CNTRL: variants seen among roughly 807,000 people sequenced by gnomAD.
The protein encoded by CNTRL is 110 kDa centrosomal protein.
CNTRL carries 233 observed loss-of-function variants against 303.7 expected under a neutral mutation model. The observed-to-expected ratio is 0.77, with a 90% confidence interval of 0.69 to 0.86. The LOEUF (loss-of-function observed/expected upper bound fraction) is 0.86, where lower values mean the gene tolerates loss of function less well. Among genes scored for constraint, CNTRL ranks in the 40% least tolerant of loss-of-function variants. CNTRL has a pLI of 0.00. For synonymous variants in CNTRL, 900 were observed against 922.2 expected, an observed-to-expected ratio of 0.98 and a Z score of 0.44; for missense variants, 2,524 against 2,650.6, an observed-to-expected ratio of 0.95 and a Z score of 1.05.
intron 14 of CNTRL, among the ~76,000 whole-genome samples, chr9:121,131,212 T>G (rs2050835747): frequency 6.6e-6 from 1 of 152,180 alleles, no homozygotes; most frequent in Non-Finnish European, 1.5e-5. Context: ...TGTTGATCTG[T>G]CTAATATTGA....
At chr9:121,091,774 G>T (rs1159432421) in intron 4 of CNTRL, among the ~76,000 whole-genome samples, 1 of 152,060 alleles carries the variant, frequency 6.6e-6, no homozygotes, top group Non-Finnish European at 1.5e-5. Flanking sequence ...AACCCAGGAG[G>T]TGGAGGTTGC....
chr9:121,133,032 G>C (rs529858821), intron 14 of CNTRL, among the ~76,000 whole-genome samples: 7 of 152,240 alleles, frequency 4.6e-5, no homozygotes, highest in African/African-American at 1.7e-4. Context: ...AGGGGCACCC[G>C]CCTGTATGAT....
chr9:121,151,218 G>A (rs2052223646), intron 25 of CNTRL, among the ~76,000 whole-genome samples: 1 of 151,722 alleles, frequency 6.6e-6, no homozygotes, highest in African/African-American at 2.4e-5. Context: ...ATAAGCATTT[G>A]TCCATGGTTT....
Position 121,145,158 on chromosome 9 carries a change from A to G in CNTRL, c.3169-86A>G, listed in dbSNP as rs1294666783. On this transcript the variant is annotated intron_variant, in intron 21 of 43. Coordinates refer to ENST00000373855, the MANE Select transcript of CNTRL (RefSeq NM_007018.6). Reference sequence around the variant, plus strand: ...TCACTGGGAAAGTGTAAATAAATATAGAATCATAATCAAGTTGAAAGGATA... The same window carrying G: ...TCACTGGGAAAGTGTAAATAAATATGGAATCATAATCAAGTTGAAAGGATA... 1.3e-5 allele frequency: 19 copies of G among 1,434,422 alleles called. 1 individual carries two copies. Among genetic ancestry groups the G allele is most frequent in the Non-Finnish European group, 1.8e-5 (19 of 1,052,994 alleles). 88.9% of individuals were successfully genotyped at this position (1,434,422 alleles called of 1,614,324 possible). A position where few individuals can be genotyped will look rare whatever the true frequency, so the allele number is the denominator to read the frequency against.
chr9:121,090,740 A>G (rs180909081), intron 4 of CNTRL, among the ~76,000 whole-genome samples: 153 of 152,374 alleles, frequency 1.0e-3, no homozygotes, highest in African/African-American at 3.5e-3. Flanking sequence ...GCACTACAGT[A>G]GCAGAGCTTA....
chr9:121,144,774 C>A, intron 20 of CNTRL, 69 bp from the exon 21 acceptor site: 1 of 1,214,550 alleles, frequency 8.2e-7, no homozygotes, highest in Non-Finnish European at 1.2e-6. Context: ...AGAATCAATC[C>A]AAGAGGAAGA....
chr9:121,175,561 G>A lies in CNTRL; in HGVS notation c.6954+337G>A, dbSNP rs577481903. Among the ~76,000 whole-genome samples, 6 of 152,320 alleles carry A rather than the reference G, an allele frequency of 3.9e-5. No individual in the cohort carries two copies. The East Asian group carries it at 7.7e-4, about 20-fold the overall frequency. ...TGGGATTACAGGCGTGAGCCACCAC[G>A]CTGAGCCAAGAGGAAACTCGTAAGA... On this transcript the variant is annotated intron_variant, in intron 43 of 43. Transcript: ENST00000373855.
intron 19 of CNTRL, among the ~76,000 whole-genome samples, chr9:121,142,762 C>T (rs373788429): frequency 7.2e-5 from 11 of 152,140 alleles, no homozygotes; most frequent in South Asian, 4.1e-4. Flanking sequence ...TGATCATAAC[C>T]GCTTATCTTG....
chr9:121,163,648 ACT>A (rs1254698219), intron 34 of CNTRL, among the ~76,000 whole-genome samples: 1 of 152,110 alleles, frequency 6.6e-6, no homozygotes, highest in Admixed American at 6.5e-5. Context: ...TGTATAAAGA[ACT>A]CTCAAAACTC....
intron 18 of CNTRL, 105 bp downstream of exon 18, chr9:121,141,693 T>C: frequency 9.1e-7 from 1 of 1,100,962 alleles, no homozygotes; most frequent in Non-Finnish European, 1.3e-6. Context: ...ACATAATTGT[T>C]GTTATTTTCA....
intron 12 of CNTRL, among the ~76,000 whole-genome samples, chr9:121,123,499 T>TGAGGCAGGAGAATTGCTTG (rs1371372418): frequency 6.6e-6 from 1 of 152,134 alleles, no homozygotes; most frequent in Non-Finnish European, 1.5e-5. Context: ...CTTGGGAGGC[T>TGAGGCAGGAGAATTGCTTG]GAGGCAGGAG....
rs755741371 is a variant in CNTRL at position 121,167,606 on chromosome 9, A to AAAC, written c.5783_5785dup (p.Gln1928dup). 7 of 1,614,214 alleles carry AAAC rather than the reference A, an allele frequency of 4.3e-6. No homozygotes were observed. In the South Asian group the frequency reaches 6.6e-5, roughly 15 times the overall value. ...AGACTGTCAGAAAGAAGAGGAGACA[A>AAAC]AACAACAACAACTTCAAGTGCTTCA... On this transcript the variant is annotated inframe_insertion, in exon 37 of 44. Transcript: ENST00000373855.
In CNTRL at chr9:121,090,410, G is replaced by T; in HGVS notation, c.348+5G>T. The T allele has an allele frequency of 6.2e-7, 1 of 1,606,880 alleles. No individual in the cohort carries two copies. The highest frequency in any genetic ancestry group is 8.5e-7 in the Non-Finnish European group (1 of 1,177,580). ...GACGGTGGCAAGAAATTTAAGGTAG[G>T]TTACCAACAATTTCTGAGCATAGAT... On this transcript the variant is annotated splice_donor_5th_base_variant and intron_variant, in intron 4 of 43. Transcript: ENST00000373855.
In CNTRL at chr9:121,125,900, G is replaced by A. The variant is rs2050493902; in HGVS notation, c.1989G>A (p.Leu663=). ...LTEVEQERDQ[L]EIVAMDAENM... Reference sequence around the variant, plus strand: ...AAGTCGAGCAGGAGAGAGACCAGCTGGAAATAGTTGCCATGGATGCAGAAA... The same window carrying A: ...AAGTCGAGCAGGAGAGAGACCAGCTAGAAATAGTTGCCATGGATGCAGAAA... The change falls in exon 14 of 44, where the codon CTG becomes CTA. Residue 663 remains leucine, a synonymous_variant. Transcript: ENST00000373855. 1.9e-6 allele frequency: 3 copies of A among 1,613,978 alleles called. No individual in the cohort carries two copies. Among genetic ancestry groups the A allele is most frequent in the Non-Finnish European group, 2.5e-6 (3 of 1,180,000 alleles).
intron 31 of CNTRL, among the ~76,000 whole-genome samples, chr9:121,159,751 G>C (rs2052761403): frequency 6.6e-6 from 1 of 150,762 alleles, no homozygotes; most frequent in African/African-American, 2.4e-5. Flanking sequence ...TCCTTCTTTT[G>C]AGTTTAGAAA....
intron 8 of CNTRL, among the ~76,000 whole-genome samples, chr9:121,108,276 G>C (rs2049576537): frequency 6.6e-6 from 1 of 152,104 alleles, no homozygotes; most frequent in Non-Finnish European, 1.5e-5. Context: ...CATTTAGAAG[G>C]CGATCTGGCA....
At chr9:121,128,810 A>T (rs1209464767) in intron 14 of CNTRL, among the ~76,000 whole-genome samples, 1 of 152,190 alleles carries the variant, frequency 6.6e-6, no homozygotes, top group Non-Finnish European at 1.5e-5. Context: ...TCTTGAATTA[A>T]TTTTTGTATA....
At chr9:121,128,003 C>T (rs2050631574) in intron 14 of CNTRL, among the ~76,000 whole-genome samples, 2 of 152,090 alleles carry the variant, frequency 1.3e-5, no homozygotes, top group African/African-American at 4.8e-5. Context: ...CATAGTATTC[C>T]ATGGTTTATA....
intron 25 of CNTRL, among the ~76,000 whole-genome samples, chr9:121,151,185 TTC>T (rs1251399113): frequency 1.8e-4 from 28 of 152,268 alleles, no homozygotes; most frequent in Admixed American, 5.2e-4. Context: ...ATATTTTGTA[TTC>T]TGTTTTTCCT....
Sources: allele counts gnomAD v4.1 joint callset (sites outside exome capture counted in the v4.1 genomes callset), GRCh38; gene constraint gnomAD v4.1.1; transcripts MANE v1.5; gene names NCBI Gene and HGNC (gene_info 2026-07-23, HGNC 2026-07-21).